CPEB3: variants seen among roughly 807,000 people sequenced by gnomAD.
CPEB3 encodes cytoplasmic polyadenylation element binding protein 3, also known as cytoplasmic polyadenylation element-binding protein 3.
In CPEB3, 20 loss-of-function variants were observed where a neutral mutation model predicts 67.2. The observed-to-expected ratio is 0.30, with a 90% CI of 0.21 to 0.43. The LOEUF is 0.43. Ranked by LOEUF, CPEB3 falls within the 20% of genes least tolerant of loss-of-function variation. The pLI, the probability that CPEB3 is intolerant of heterozygous loss-of-function variation, is 1.00. For synonymous variants in CPEB3, 376 were observed against 393.1 expected (o/e 0.96, Z 0.51); for missense variants, 746 against 968.6 (o/e 0.77, Z 3.05).
intron 4 of CPEB3, among the ~76,000 whole-genome samples, chr10:92,152,613 T>C (rs1847014518): frequency 6.6e-6 from 1 of 152,190 alleles, no homozygotes; most frequent in Admixed American, 6.5e-5. Context: ...AAAATGCTGA[T>C]AATAATTGAA....
rs538151916 is a variant in CPEB3 at position 92,188,715 on chromosome 10, G to A, written c.1165+3762C>T. 7.3e-4 allele frequency among the ~76,000 whole-genome samples: 111 copies of A among 152,006 alleles called. 1 individual carries two copies. In the South Asian group the frequency reaches 9.6e-3, roughly 13 times the overall value. ...AGCCTGGGCGACAGAGCCAGACTCC[G>A]TCTCAGAAAAAAAATAAATAAATAA... On this transcript the variant is annotated intron_variant, in intron 3 of 9. Coordinates refer to ENST00000265997, the MANE Select transcript of CPEB3 (RefSeq NM_014912.5).
In CPEB3 at chr10:92,187,457, G is replaced by C. The variant is rs564058917; in HGVS notation, c.1165+5020C>G. ...AGGACTATTTTTCTGCTGTAAGAGG[G>C]AAATTGCATGGGATGAAGAAAAAGT... On this transcript the variant is annotated intron_variant, in intron 3 of 9. Coordinates refer to ENST00000265997, the MANE Select transcript of CPEB3 (RefSeq NM_014912.5). Among the ~76,000 whole-genome samples, 10 of 152,292 alleles carry C rather than the reference G, an allele frequency of 6.6e-5. 1 individual carries two copies. In the South Asian group the frequency reaches 2.1e-3, roughly 32 times the overall value.
intron 8 of CPEB3, among the ~76,000 whole-genome samples, chr10:92,090,117 T>C (rs536895910): frequency 3.3e-5 from 5 of 152,240 alleles, no homozygotes; most frequent in Admixed American, 6.5e-5. Context: ...ATGTATAAAC[T>C]TGTATGTCTG....
chr10:92,239,400 C>G lies in CPEB3; in HGVS notation c.951G>C (p.Trp317Cys). The G allele has an allele frequency of 1.2e-6, 2 of 1,605,502 alleles. No homozygotes were observed. Among genetic ancestry groups the G allele is most frequent in the Non-Finnish European group, 1.7e-6 (2 of 1,175,950 alleles). The change falls in exon 2 of 10, where the codon TGG becomes TGC. Residue 317 changes from tryptophan (W) to cysteine (C), a missense_variant. Coordinates refer to ENST00000265997, the MANE Select transcript of CPEB3 (RefSeq NM_014912.5). This position sits in a 1 kb window ranked among gnomAD's most constrained non-coding sequence, Gnocchi z 6.0. The part of the protein sequence containing the change: ...PRAAPLTSKS[W>C]MEDNAFRTDN... ...CGGTCCGGAAAGCGTTATCCTCCAT[C>G]CAGGACTTGGAAGTGAGAGGGGCCG...
intron 6 of CPEB3, among the ~76,000 whole-genome samples, chr10:92,124,864 T>C (rs1244473339): frequency 6.6e-6 from 1 of 152,248 alleles, no homozygotes; most frequent in Non-Finnish European, 1.5e-5. Context: ...AAATAAATGC[T>C]ACACTGCAGC....
At chr10:92,078,920 C>T (rs1176204962) in intron 9 of CPEB3, among the ~76,000 whole-genome samples, 1 of 152,124 alleles carries the variant, frequency 6.6e-6, no homozygotes, top group Non-Finnish European at 1.5e-5. Context: ...AGCATATCTC[C>T]CTCTACTAAG....
chr10:92,093,839 C>G (rs760214479), intron 7 of CPEB3, among the ~76,000 whole-genome samples: 1 of 151,802 alleles, frequency 6.6e-6, no homozygotes, highest in Non-Finnish European at 1.5e-5. Flanking sequence ...AAATTTCACC[C>G]TCACCTAACT....
intron 6 of CPEB3, among the ~76,000 whole-genome samples, chr10:92,135,959 A>G (rs1351761255): frequency 6.6e-6 from 1 of 151,640 alleles, no homozygotes; most frequent in African/African-American, 2.4e-5. Flanking sequence ...GGAATTGAAC[A>G]ATGAGAACAC....
intron 1 of CPEB3, among the ~76,000 whole-genome samples, chr10:92,270,164 T>C (rs1853243355): frequency 6.6e-6 from 1 of 152,204 alleles, no homozygotes; most frequent in Admixed American, 6.5e-5. Context: ...CTATCTCTTA[T>C]GGACATTAAT....
chr10:92,181,030 A>T lies in CPEB3; in HGVS notation c.1166-11T>A. The stretch of plus-strand genomic sequence containing the variant: ...TTATCCCCATGCGTCCTAAAAAATA[A>T]AATAATTTTAAGCAAAAAGAATGTT... On this transcript the variant is annotated splice_polypyrimidine_tract_variant and intron_variant, in intron 3 of 9. Coordinates refer to ENST00000265997, the MANE Select transcript of CPEB3 (RefSeq NM_014912.5). The T allele has an allele frequency of 7.0e-7, 1 of 1,424,512 alleles. No homozygotes were observed. The highest frequency in any genetic ancestry group is 9.9e-7 in the Non-Finnish European group (1 of 1,010,334). 88.2% of individuals were successfully genotyped at this position (1,424,512 alleles called of 1,614,324 possible). A position where few individuals can be genotyped will look rare whatever the true frequency, so the allele number is the denominator to read the frequency against.
intron 1 of CPEB3, among the ~76,000 whole-genome samples, chr10:92,259,688 G>T (rs1428687033): frequency 2.0e-5 from 3 of 151,138 alleles, no homozygotes; most frequent in African/African-American, 7.3e-5. Context: ...ATATAATTAT[G>T]TTAATTACCA....
In CPEB3 at chr10:92,289,751, A is replaced by ATGTATTATATATTATAAATG. The variant is rs1554944342; in HGVS notation, c.-12+1174_-12+1175insCATTTATAATATATAATACA. Reference sequence around the variant, plus strand: ...AAAAAAAATATATATATATATATATATATATATGTATTATATATTATAAAT... The same window carrying ATGTATTATATATTATAAATG: ...AAAAAAAATATATATATATATATATATGTATTATATATTATAAATGTATATATGTATTATATATTATAAAT... On this transcript the variant is annotated intron_variant, in intron 1 of 9. Coordinates refer to ENST00000265997, the MANE Select transcript of CPEB3 (RefSeq NM_014912.5). 1.7e-3 allele frequency among the ~76,000 whole-genome samples: 208 copies of ATGTATTATATATTATAAATG among 119,194 alleles called. 5 individuals carry two copies. The highest frequency in any genetic ancestry group is 8.4e-3 in the African/African-American group (196 of 23,420). The allele number at this position is 119,194 out of a possible 152,430, so 78.2% of individuals were successfully genotyped here.
intron 2 of CPEB3, among the ~76,000 whole-genome samples, chr10:92,193,346 T>C (rs1430740261): frequency 6.6e-6 from 1 of 152,186 alleles, no homozygotes; most frequent in East Asian, 1.9e-4. Context: ...GGAACTAAAA[T>C]AGTAAATTTA....
At chr10:92,267,154 C>T (rs1853095627) in intron 1 of CPEB3, among the ~76,000 whole-genome samples, 1 of 152,108 alleles carries the variant, frequency 6.6e-6, no homozygotes, top group Non-Finnish European at 1.5e-5. Flanking sequence ...TGTGAAAATC[C>T]TAATGCAGGA....
chr10:92,208,806 G>A (rs1469860242), intron 2 of CPEB3, among the ~76,000 whole-genome samples: 1 of 151,980 alleles, frequency 6.6e-6, no homozygotes, highest in Non-Finnish European at 1.5e-5. Flanking sequence ...CGTTGGCCAG[G>A]CTGGTCTCGA....
intron 2 of CPEB3, among the ~76,000 whole-genome samples, chr10:92,215,905 A>T (rs2134388936): frequency 1.3e-5 from 2 of 149,598 alleles, no homozygotes; most frequent in South Asian, 4.2e-4. Context: ...GCGTGCCACC[A>T]CATGCAGCTA....
chr10:92,216,281 T>C, intron 2 of CPEB3: 1 of 1,512,786 alleles, frequency 6.6e-7, no homozygotes, highest in Non-Finnish European at 9.0e-7. Flanking sequence ...ACTAAAAACA[T>C]AAAATTTGGC....
chr10:92,058,080 C>A (rs1040671217), intron 9 of CPEB3, among the ~76,000 whole-genome samples: 1 of 151,998 alleles, frequency 6.6e-6, no homozygotes, highest in Non-Finnish European at 1.5e-5. Flanking sequence ...GAAAACATGA[C>A]CTCACCAAAT....
intron 1 of CPEB3, among the ~76,000 whole-genome samples, chr10:92,246,199 T>G (rs1259223639): frequency 1.4e-5 from 2 of 146,500 alleles, no homozygotes; most frequent in African/African-American, 5.5e-5. Flanking sequence ...TCGGGCATGG[T>G]GGCAGGCGCC....
Sources: allele counts gnomAD v4.1 joint callset (sites outside exome capture counted in the v4.1 genomes callset), GRCh38; gene constraint gnomAD v4.1.1; non-coding constraint Gnocchi (gnomAD v3.1); transcripts MANE v1.5; gene names NCBI Gene and HGNC (gene_info 2026-07-23, HGNC 2026-07-21).